KRT73: variants seen among roughly 807,000 people sequenced by gnomAD.
KRT73 encodes the protein keratin, type II cytoskeletal 73.
Under a neutral mutation model 47.2 loss-of-function variants are expected in KRT73, and 44 were observed. The observed-to-expected ratio is 0.93, with a 90% CI of 0.73 to 1.20. The LOEUF is 1.20. KRT73 is among the 50% of genes most tolerant of loss of function. The pLI, the probability that KRT73 is intolerant of heterozygous loss-of-function variation, is 0.00. For missense variants in KRT73, 713 were observed against 704.5 expected, an observed-to-expected ratio of 1.01 and a Z score of -0.14; for synonymous variants, 285 against 291.3, an observed-to-expected ratio of 0.98 and a Z score of 0.22.
At chr12:52,629,403 T>C in the KRT73 span, among the ~76,000 whole-genome samples, 1 of 134,940 alleles carries the variant, frequency 7.4e-6, no homozygotes, top group African/African-American at 3.0e-5. Context: ...GGGTCTCCCC[T>C]TCCCCCACGT....
At chr12:52,626,524 C>T in the KRT73 span, among the ~76,000 whole-genome samples, 1 of 152,218 alleles carries the variant, frequency 6.6e-6, no homozygotes. Context: ...CAATCAGGAG[C>T]AAGATACCAC....
intron 6 of KRT73, 107 bp downstream of exon 6, chr12:52,611,097 A>C: frequency 7.1e-7 from 1 of 1,408,976 alleles, no homozygotes; most frequent in African/African-American, 1.4e-5. Flanking sequence ...CCTCCATTTG[A>C]AGAAGGGGAT....
chr12:52,616,774 G>T (rs572543229), intron 1 of KRT73, among the ~76,000 whole-genome samples: 4 of 152,112 alleles, frequency 2.6e-5, no homozygotes, highest in Non-Finnish European at 5.9e-5. Context: ...CCTTCTGCTC[G>T]GGGTCTGGTG....
intron 4 of KRT73, 161 bp from the exon 5 acceptor site, chr12:52,614,013 A>G (rs1940759819): frequency 1.9e-6 from 2 of 1,067,452 alleles, no homozygotes; most frequent in Non-Finnish European, 2.6e-6. Flanking sequence ...AGAGGTTCCA[A>G]TACCACATCT....
chr12:52,621,071 C>T (rs1203413270), upstream of KRT73, among the ~76,000 whole-genome samples: 1 of 152,150 alleles, frequency 6.6e-6, no homozygotes, highest in Non-Finnish European at 1.5e-5. Flanking sequence ...AGAACAGTAT[C>T]CCTAGCACCT....
At chr12:52,614,852 A>G in intron 3 of KRT73, 178 bp from the exon 4 acceptor site, 1 of 572,282 alleles carries the variant, frequency 1.7e-6, no homozygotes, top group South Asian at 2.3e-5. Context: ...AACCTGGGGC[A>G]AGTTTCTCAT....
Position 52,618,374 on chromosome 12 carries a change from G to A in KRT73, c.151C>T (p.Leu51=). 6.2e-7 allele frequency: 1 copy of A among 1,614,176 alleles called. No homozygotes were observed. Among genetic ancestry groups the A allele is most frequent in the East Asian group, 2.2e-5 (1 of 44,878 alleles). ...GGFSSRSLYS[L]GGARSISFNV... ...AAAGAGATGCTCCGGGCACCCCCCA[G>A]GCTGTAAAGGCTCCGACTGCTGAAG... The change falls in exon 1 of 9, where the codon CTG becomes TTG. Residue 51 remains leucine (L), a synonymous_variant. Coordinates refer to ENST00000305748, the MANE Select transcript of KRT73 (RefSeq NM_175068.3).
upstream of KRT73, among the ~76,000 whole-genome samples, chr12:52,619,708 C>T (rs1158736295): frequency 6.6e-6 from 1 of 152,178 alleles, no homozygotes; most frequent in African/African-American, 2.4e-5. Context: ...AAACCTAGCT[C>T]ACAATTTTGG....
rs1592243754 is a variant in KRT73, at chr12:52,613,771, T to C, written c.901A>G (p.Ser301Gly). The C allele has an allele frequency of 6.2e-7, 1 of 1,614,228 alleles. No homozygotes were observed. Among genetic ancestry groups the C allele is most frequent in the African/African-American group, 1.3e-5 (1 of 75,074 alleles). The change falls in exon 5 of 9, where the codon AGC becomes GGC. Residue 301 changes from serine to glycine, a missense_variant. By Grantham distance (56) the Ser-to-Gly change is moderately conservative. Coordinates refer to ENST00000305748, the MANE Select transcript of KRT73 (RefSeq NM_175068.3). ...TGGGCACGGACCTCAGCAATGATGC[T>C]GTCCAGGTCCAGGTTCCGGTTGTTG... is the stretch of plus-strand genomic sequence containing the variant. ...MDNNRNLDLD[S>G]IIAEVRAQYE...
At position 52,614,679 on chromosome 12, in the gene KRT73, G is replaced by A. The variant is rs549730228; in HGVS notation, c.724-5C>T. On this transcript the variant is annotated splice_polypyrimidine_tract_variant and splice_region_variant and intron_variant, in intron 3 of 8. Transcript: ENST00000305748. ...CGTGTAAGCTGCGTCCACGTCCTAT[G>A]GAGAATCCAGATACCCCTGACCTCA... 6.2e-7 allele frequency: 1 copy of A among 1,611,416 alleles called. No homozygotes were observed. The highest frequency in any genetic ancestry group is 1.3e-5 in the African/African-American group (1 of 74,966).
chr12:52,610,883 G>C (rs767469573), intron 6 of KRT73, 48 bp from the exon 7 acceptor site: 1 of 1,471,722 alleles, frequency 6.8e-7, no homozygotes, highest in African/African-American at 1.4e-5. Flanking sequence ...CCTGGGCCTC[G>C]CTTCACCTCT....
At chr12:52,626,997 A>T in the KRT73 span, among the ~76,000 whole-genome samples, 46,875 of 152,034 alleles carry the variant, frequency 0.31, 7,666 homozygotes, top group African/African-American at 0.4. Context: ...ACCAGACTGC[A>T]GTTTCTTATG....
chr12:52,614,787 C>T (rs757909523), intron 3 of KRT73, 113 bp from the exon 4 acceptor site: 1 of 804,554 alleles, frequency 1.2e-6, no homozygotes, highest in African/African-American at 1.7e-5. Flanking sequence ...GACTTCAGAT[C>T]CAAGGGGCAG....
At chr12:52,615,156 A>T (rs928043015) in intron 3 of KRT73, 123 bp downstream of exon 3, 1 of 761,974 alleles carries the variant, frequency 1.3e-6, no homozygotes, top group Non-Finnish European at 2.2e-6. Context: ...CAAGCCCTTC[A>T]TCTCCTCCTT....
the KRT73 span, among the ~76,000 whole-genome samples, chr12:52,628,469 A>G: frequency 6.6e-6 from 1 of 152,178 alleles, no homozygotes; most frequent in Admixed American, 6.5e-5. Context: ...GCCTTAGAAT[A>G]GGTCATAGGA....
chr12:52,611,226 T>A lies in KRT73; in HGVS notation c.1088A>T (p.Glu363Val). 2 of 1,614,158 alleles carry A rather than the reference T, an allele frequency of 1.2e-6. No homozygotes were observed. Among genetic ancestry groups the A allele is most frequent in the Non-Finnish European group, 1.7e-6 (2 of 1,180,024 alleles). Residue 363 changes from glutamate (E) to valine (V), a missense_variant, in exon 6 of 9, where the codon GAG becomes GTG. Physicochemically the swap from Glu to Val is moderately radical, Grantham distance 121. Coordinates refer to ENST00000305748, the MANE Select transcript of KRT73 (RefSeq NM_175068.3). The part of the protein sequence containing the change: ...LTRLIQRLRS[E>V]IESVKKQCAN... Reference sequence around the variant, plus strand: ...CACCTGCTTCTTCACACTCTCAATCTCCGAGCGCAGTCTTTGGATGAGACG... The same window carrying A: ...CACCTGCTTCTTCACACTCTCAATCACCGAGCGCAGTCTTTGGATGAGACG...
the KRT73 span, among the ~76,000 whole-genome samples, chr12:52,629,209 C>G: frequency 6.6e-6 from 1 of 152,194 alleles, no homozygotes; most frequent in African/African-American, 2.4e-5. Flanking sequence ...GTGCTTGACA[C>G]CACAGCTGTG....
chr12:52,619,778 G>A (rs954150934), upstream of KRT73, among the ~76,000 whole-genome samples: 2 of 152,160 alleles, frequency 1.3e-5, no homozygotes, highest in African/African-American at 4.8e-5. Context: ...GCCAAAGTAT[G>A]TGACCCAAGA....
the KRT73 span, among the ~76,000 whole-genome samples, chr12:52,626,140 C>T: frequency 6.6e-6 from 1 of 152,194 alleles, no homozygotes; most frequent in South Asian, 2.1e-4. Flanking sequence ...GCAATGTTTA[C>T]TGAGCACATT....
Sources: gnomAD v4.1 joint callset for allele counts (sites outside exome capture counted in the v4.1 genomes callset) on GRCh38, gnomAD v4.1.1 for gene constraint, MANE v1.5 for transcripts, NCBI Gene and HGNC (gene_info 2026-07-23, HGNC 2026-07-21) for gene names.